PRDM7: variants seen among roughly 807,000 people sequenced by gnomAD.
The protein encoded by PRDM7 is histone-lysine N-methyltransferase PRDM7.
In PRDM7, 52 loss-of-function variants were observed where a neutral mutation model predicts 64.3. The ratio of observed to expected loss-of-function variants is 0.81; its 90% confidence interval spans 0.65 to 1.02. The LOEUF is 1.02. PRDM7 is among the 50% of genes least tolerant of loss of function. The pLI is 0.00. For synonymous variants in PRDM7, 192 were observed against 210.1 expected (o/e 0.91, Z 0.74); for missense variants, 574 against 597.1 (o/e 0.96, Z 0.40).
Position 90,058,024 on chromosome 16 carries a change from T to G in PRDM7, c.*265A>C. The G allele has an allele frequency of 6.2e-7, 1 of 1,610,058 alleles. No individual in the cohort carries two copies. The highest frequency in any genetic ancestry group is 8.5e-7 in the Non-Finnish European group (1 of 1,177,364). ...AGCCCTCCCACACTCTCTGCAGACG[T>G]AGGGCTTCCCCCCTGTGTGTGTCCT... On this transcript the variant is annotated 3_prime_UTR_variant, in exon 11 of 11. Transcript: ENST00000449207.
At chr16:90,070,049 C>G (rs921632675) in intron 4 of PRDM7, 4 of 98,074 alleles carry the variant, frequency 4.1e-5, no homozygotes, top group African/African-American at 7.9e-5. Flanking sequence ...GAGCGAAACT[C>G]TGTCTGAAAA....
intron 4 of PRDM7, among the ~76,000 whole-genome samples, chr16:90,067,544 T>G (rs556580102): frequency 1.3e-5 from 2 of 149,742 alleles, no homozygotes; most frequent in African/African-American, 5.0e-5. Flanking sequence ...AAACTAGGAA[T>G]AGAAGGAAAT....
intron 4 of PRDM7, 46 bp downstream of exon 4, chr16:90,074,870 A>G: frequency 6.3e-7 from 1 of 1,590,398 alleles, no homozygotes; most frequent in South Asian, 1.1e-5. Context: ...CAAGAGCGAA[A>G]CTCCGTCTTT....
chr16:90,069,819 C>T lies in PRDM7; in HGVS notation c.302-2909G>A, dbSNP rs536792177. 5.3e-5 allele frequency among the ~76,000 whole-genome samples: 8 copies of T among 150,534 alleles called. 1 individual carries two copies. The highest frequency in any genetic ancestry group is 1.7e-4 in the African/African-American group (7 of 40,366). On this transcript the variant is annotated intron_variant, in intron 4 of 10. Transcript: ENST00000449207. ...GTGTAATCCCAGCACTTTGGGAGGC[C>T]GAGGCAGATGGATCACTTGAGGTCA...
Position 90,062,002 on chromosome 16 carries a change from C to A in PRDM7, c.801G>T (p.Leu267=). 1 of 1,614,264 alleles carries A rather than the reference C, an allele frequency of 6.2e-7. No homozygotes were observed. The highest frequency in any genetic ancestry group is 8.5e-7 in the Non-Finnish European group (1 of 1,180,054). Residue 267 remains leucine (L), a synonymous_variant, in exon 8 of 11, where the codon CTG becomes CTT. Transcript: ENST00000449207. ...GLGVWNEASD[L]PLGLHFGPYE... The stretch of plus-strand genomic sequence containing the variant: ...AGGGGCCAAAGTGCAGACCCAGTGG[C>A]AGATCAGATGCCTCGTTCCATACTC...
At chr16:90,073,157 C>A (rs187622178) in intron 4 of PRDM7, among the ~76,000 whole-genome samples, 2 of 151,962 alleles carry the variant, frequency 1.3e-5, no homozygotes, top group African/African-American at 4.8e-5. Context: ...GCTCCAGAAT[C>A]GAGACAAAGA....
At chr16:90,077,049 G>A (rs774599412) in intron 1 of PRDM7, among the ~76,000 whole-genome samples, 177 bp downstream of exon 1, 4 of 151,980 alleles carry the variant, frequency 2.6e-5, no homozygotes, top group Non-Finnish European at 5.9e-5. Flanking sequence ...CTGGGTGAAG[G>A]GATTTGGGGT....
In PRDM7 at chr16:90,063,776, G is replaced by T. The variant is rs995374406; in HGVS notation, c.352-8C>A. ...TGACGCCTTGGGCATTCCCTTTAAT[G>T]TGAGAATCACATATTAAAAGACAAC... On this transcript the variant is annotated splice_region_variant and splice_polypyrimidine_tract_variant and intron_variant, in intron 5 of 10. Coordinates refer to ENST00000449207, the MANE Select transcript of PRDM7 (RefSeq NM_001098173.2). The T allele has an allele frequency of 6.2e-7, 1 of 1,613,952 alleles. No homozygotes were observed. Among genetic ancestry groups the T allele is most frequent in the East Asian group, 2.2e-5 (1 of 44,884 alleles).
Position 90,075,165 on chromosome 16 carries a change from C to T in PRDM7, c.194-142G>A, listed in dbSNP as rs2038018657. On this transcript the variant is annotated intron_variant, in intron 3 of 10. Transcript: ENST00000449207. This position sits in a 1 kb window ranked among gnomAD's most constrained non-coding sequence, Gnocchi z 4.3. ...GTCTTGAACAAGGTCAAGATGTGAC[C>T]TCTGCATGGTCAGTATCCACACACA... 2.9e-6 allele frequency: 4 copies of T among 1,365,580 alleles called. No homozygotes were observed. The highest frequency in any genetic ancestry group is 4.1e-6 in the Non-Finnish European group (4 of 973,294). 84.6% of individuals were successfully genotyped at this position (1,365,580 alleles called of 1,614,324 possible).
chr16:90,072,137 G>A (rs375617747), intron 4 of PRDM7, among the ~76,000 whole-genome samples: 4 of 151,924 alleles, frequency 2.6e-5, no homozygotes, highest in Admixed American at 1.3e-4. Flanking sequence ...ATGCTGAGGC[G>A]GGAGAATGGC....
Position 90,075,868 on chromosome 16 carries a change from T to C in PRDM7, c.43A>G (p.Thr15Ala). Residue 15 changes from threonine (T) to alanine (A), a missense_variant, in exon 2 of 11, where the codon ACA becomes GCA. By Grantham distance (58) the Thr-to-Ala change is moderately conservative. Transcript: ENST00000449207. This position sits in a 1 kb window ranked among gnomAD's most constrained non-coding sequence, Gnocchi z 4.3. ...RSQEESPEGD[T>A]ERTERKPMVK... is the part of the protein sequence containing the mutation. ...ATGGGCTTCCGCTCTGTTCTCTCTGTGTCTCCTTCTGGGCTCTCCTCTTGG... is the reference window on the plus strand; with the variant it reads ...ATGGGCTTCCGCTCTGTTCTCTCTGCGTCTCCTTCTGGGCTCTCCTCTTGG... 1 of 1,614,106 alleles carries C rather than the reference T, an allele frequency of 6.2e-7. No individual in the cohort carries two copies. The highest frequency in any genetic ancestry group is 1.1e-5 in the South Asian group (1 of 91,048).
intron 5 of PRDM7, among the ~76,000 whole-genome samples, chr16:90,066,600 A>G (rs902447146): frequency 6.6e-6 from 1 of 151,210 alleles, no homozygotes; most frequent in African/African-American, 2.5e-5. Flanking sequence ...CTATATGTGA[A>G]GTTGAATAGG....
intron 4 of PRDM7, among the ~76,000 whole-genome samples, chr16:90,071,046 G>A (rs1275990519): frequency 1.3e-5 from 2 of 152,240 alleles, no homozygotes; most frequent in Non-Finnish European, 2.9e-5. Context: ...AAGATGTGGA[G>A]AAATTAGAAC....
At chr16:90,059,771 C>T (rs1362515910) in intron 10 of PRDM7, among the ~76,000 whole-genome samples, 1 of 152,240 alleles carries the variant, frequency 6.6e-6, no homozygotes, top group East Asian at 1.9e-4. Flanking sequence ...GGTATTCTTT[C>T]TGGATTCATT....
Position 90,075,444 on chromosome 16 carries a change from A to G in PRDM7, c.100T>C (p.Tyr34His). 6.2e-7 allele frequency: 1 copy of G among 1,614,210 alleles called. No homozygotes were observed. The highest frequency in any genetic ancestry group is 1.1e-5 in the South Asian group (1 of 91,084). ...TCTGCCCATTCTTCCTTGGTGAAGT[A>G]TATGGAAATGTCTTTGAAGGCATCT... ...VKDAFKDISI[Y>H]FTKEEWAEMG... Residue 34 changes from tyrosine to histidine, a missense_variant, in exon 3 of 11, where the codon TAC becomes CAC. Coordinates refer to ENST00000449207, the MANE Select transcript of PRDM7 (RefSeq NM_001098173.2). The surrounding 1 kb of genome is among the most constrained non-coding windows in gnomAD (Gnocchi z 4.3).
At chr16:90,065,015 G>A (rs774515345) in intron 5 of PRDM7, among the ~76,000 whole-genome samples, 3 of 150,764 alleles carry the variant, frequency 2.0e-5, no homozygotes, top group Non-Finnish European at 2.9e-5. Context: ...CACTGCCTCC[G>A]GCACTAATTC....
intron 9 of PRDM7, 127 bp from the exon 10 acceptor site, chr16:90,060,750 A>G (rs1294124982): frequency 7.5e-7 from 1 of 1,325,882 alleles, no homozygotes; most frequent in Admixed American, 1.8e-5. Context: ...TCAAAGCCCA[A>G]CTCCAGACTT....
intron 8 of PRDM7, 118 bp from the exon 9 acceptor site, chr16:90,061,637 A>G: frequency 2.4e-6 from 3 of 1,267,218 alleles, no homozygotes; most frequent in Non-Finnish European, 3.4e-6. Flanking sequence ...AACTGAGACC[A>G]CATGGCATGC....
At chr16:90,066,320 T>G (rs960791276) in intron 5 of PRDM7, among the ~76,000 whole-genome samples, 2 of 151,126 alleles carry the variant, frequency 1.3e-5, no homozygotes, top group African/African-American at 4.9e-5. Flanking sequence ...TTAATCAGAG[T>G]GTTTTAGTGC....
Sources: gnomAD v4.1 joint callset for allele counts (sites outside exome capture counted in the v4.1 genomes callset) on GRCh38, gnomAD v4.1.1 for gene constraint, Gnocchi (gnomAD v3.1) non-coding constraint, MANE v1.5 for transcripts, NCBI Gene and HGNC (gene_info 2026-07-23, HGNC 2026-07-21) for gene names.